The following SYN3 variants were observed in gnomAD, a reference collection of about 807,000 sequenced individuals.
The protein encoded by SYN3 is synapsin III.
Under a neutral mutation model 65.8 loss-of-function variants are expected in SYN3, and 35 were observed. The ratio of observed to expected loss-of-function variants is 0.53; its 90% CI spans 0.41 to 0.70. SYN3 has a LOEUF of 0.70. Ranked by LOEUF, SYN3 falls within the 30% of genes least tolerant of loss-of-function variation. The pLI is 0.00. For synonymous variants in SYN3, 270 were observed against 292.9 expected (o/e 0.92, Z 0.80); for missense variants, 680 against 749.0 (o/e 0.91, Z 1.08).
chr22:32,576,675 G>A (rs928869727), intron 7 of SYN3, among the ~76,000 whole-genome samples: 3 of 151,996 alleles, frequency 2.0e-5, no homozygotes, highest in Non-Finnish European at 4.4e-5. Flanking sequence ...CAAGTCTGCC[G>A]TTTTTCATAT....
chr22:32,842,668 T>G (rs996689450), intron 6 of SYN3, among the ~76,000 whole-genome samples: 1 of 152,230 alleles, frequency 6.6e-6, no homozygotes, highest in Non-Finnish European at 1.5e-5. Context: ...TCAATCTAAT[T>G]AACTTCAAAC....
At chr22:32,527,705 A>G (rs2058002715) in intron 12 of SYN3, 3 of 542,524 alleles carry the variant, frequency 5.5e-6, no homozygotes, top group African/African-American at 1.9e-5. Flanking sequence ...TGCTTGGTGC[A>G]TATTAGGTTC....
At chr22:32,785,176 G>C (rs1278294893) in intron 6 of SYN3, among the ~76,000 whole-genome samples, 2 of 152,100 alleles carry the variant, frequency 1.3e-5, no homozygotes, top group Non-Finnish European at 1.5e-5. Flanking sequence ...TGCAGCTCTG[G>C]GGTCAGTCGG....
At chr22:32,766,218 A>T (rs2045622122) in intron 6 of SYN3, among the ~76,000 whole-genome samples, 1 of 152,210 alleles carries the variant, frequency 6.6e-6, no homozygotes, top group Non-Finnish European at 1.5e-5. Context: ...GGAAGTGGGT[A>T]TGTGCTGAGC....
At chr22:32,623,440 C>A (rs926025792) in intron 6 of SYN3, among the ~76,000 whole-genome samples, 2 of 152,210 alleles carry the variant, frequency 1.3e-5, no homozygotes, top group African/African-American at 2.4e-5. Context: ...AAGTGATCCT[C>A]CCATCTCGGC....
At chr22:32,678,468 A>G (rs1226966027) in intron 6 of SYN3, among the ~76,000 whole-genome samples, 1 of 152,090 alleles carries the variant, frequency 6.6e-6, no homozygotes, top group African/African-American at 2.4e-5. Flanking sequence ...CTCTAACCAC[A>G]TATCTGTCCC....
chr22:32,655,714 AG>A (rs1230889820), intron 6 of SYN3, among the ~76,000 whole-genome samples: 10 of 152,308 alleles, frequency 6.6e-5, no homozygotes, highest in South Asian at 4.1e-4. Flanking sequence ...GTCTAGCTGC[AG>A]GAAAACAAGC....
intron 6 of SYN3, among the ~76,000 whole-genome samples, chr22:32,613,009 C>T (rs143322655): frequency 3.2e-4 from 49 of 152,112 alleles, no homozygotes; most frequent in South Asian, 2.3e-3. Context: ...GGAGTTCTCA[C>T]GAGAACTGAT....
chr22:33,023,599 G>A (rs1375586386), intron 1 of SYN3, among the ~76,000 whole-genome samples: 2 of 152,232 alleles, frequency 1.3e-5, no homozygotes, highest in East Asian at 1.9e-4. Flanking sequence ...GCCTGTGGTC[G>A]CAGCAACTCA....
At chr22:32,718,615 A>G (rs917963514) in intron 6 of SYN3, among the ~76,000 whole-genome samples, 3 of 152,312 alleles carry the variant, frequency 2.0e-5, no homozygotes, top group African/African-American at 7.2e-5. Context: ...ATAAATGAAA[A>G]AGATGGAAAA....
chr22:32,527,892 T>G (rs1316093922), intron 12 of SYN3, 26 bp downstream of exon 12: 1 of 1,567,776 alleles, frequency 6.4e-7, no homozygotes, highest in Non-Finnish European at 8.7e-7. Context: ...GCATGCTTTC[T>G]TGCAGTGGCT....
chr22:33,043,865 C>T (rs1406004892), intron 1 of SYN3, among the ~76,000 whole-genome samples: 2 of 152,032 alleles, frequency 1.3e-5, no homozygotes, highest in East Asian at 3.9e-4. Flanking sequence ...CCATCCTGGC[C>T]AACATGGTGA....
At chr22:32,687,042 A>G (rs1272215010) in intron 6 of SYN3, among the ~76,000 whole-genome samples, 10 of 152,120 alleles carry the variant, frequency 6.6e-5, no homozygotes, top group African/African-American at 1.9e-4. Flanking sequence ...CTCCCCTCCT[A>G]TAGCTTTCTC....
intron 7 of SYN3, among the ~76,000 whole-genome samples, chr22:32,556,927 G>A (rs1476317927): frequency 2.0e-5 from 3 of 147,692 alleles, no homozygotes; most frequent in East Asian, 4.0e-4. Flanking sequence ...CTAAAGTATT[G>A]GGATTACAGG....
At chr22:33,044,820 T>G (rs988220629) in intron 1 of SYN3, among the ~76,000 whole-genome samples, 8 of 151,554 alleles carry the variant, frequency 5.3e-5, no homozygotes, top group Non-Finnish European at 1.0e-4. Flanking sequence ...CCTGCATTTT[T>G]AACAACCTTC....
intron 1 of SYN3, among the ~76,000 whole-genome samples, chr22:33,031,734 T>C (rs1339459549): frequency 6.6e-6 from 1 of 151,702 alleles, no homozygotes; most frequent in Non-Finnish European, 1.5e-5. Flanking sequence ...CTCAGGTCTG[T>C]AAACCAAAAT....
At chr22:32,928,838 G>A (rs1046568580) in intron 4 of SYN3, among the ~76,000 whole-genome samples, 1 of 151,910 alleles carries the variant, frequency 6.6e-6, no homozygotes, top group Non-Finnish European at 1.5e-5. Context: ...CTGCACCTCC[G>A]ATCTTTTTCT....
intron 6 of SYN3, among the ~76,000 whole-genome samples, chr22:32,810,208 G>T (rs1168085371): frequency 1.3e-5 from 2 of 152,192 alleles, no homozygotes; most frequent in Non-Finnish European, 2.9e-5. Flanking sequence ...AAAAATTAGT[G>T]TTTGTAGCTT....
chr22:32,897,016 G>A (rs796109386), intron 4 of SYN3, among the ~76,000 whole-genome samples: 3 of 152,216 alleles, frequency 2.0e-5, no homozygotes, highest in African/African-American at 7.2e-5. Flanking sequence ...TCTCTCTGAG[G>A]CCTTGAGCTG....
Sources: gnomAD v4.1 joint callset for allele counts (sites outside exome capture counted in the v4.1 genomes callset) on GRCh38, gnomAD v4.1.1 for gene constraint, MANE v1.5 for transcripts, NCBI Gene and HGNC (gene_info 2026-07-23, HGNC 2026-07-21) for gene names.